The following FAR1 variants were observed in gnomAD, a reference collection of about 807,000 sequenced individuals.
The protein encoded by FAR1 is fatty acyl-CoA reductase 1, also known as male sterility domain-containing protein 2.
In FAR1, 22 loss-of-function variants were observed where a neutral mutation model predicts 61.1. The observed-to-expected ratio is 0.36, with a 90% CI of 0.26 to 0.51. The LOEUF is 0.51. Ranked by LOEUF, FAR1 falls within the 20% of genes least tolerant of loss-of-function variation. The probability of loss-of-function intolerance (pLI) is 0.95; values close to 1 mark genes in which losing one functional copy is unlikely to be tolerated. For synonymous variants in FAR1, 206 were observed against 209.7 expected (o/e 0.98, Z 0.15); for missense variants, 359 against 626.9 (o/e 0.57, Z 4.56).
In FAR1 at chr11:13,731,423, A is replaced by G. The variant is rs1160410516; in HGVS notation, c.*2649A>G. The stretch of plus-strand genomic sequence containing the variant: ...TTTAAATGTAAATTGAGAATCTTTT[A>G]TAAGAAATAAAAGCATTATTGGGTG... On this transcript the variant is annotated 3_prime_UTR_variant, in exon 12 of 12. Coordinates refer to ENST00000354817, the MANE Select transcript of FAR1 (RefSeq NM_032228.6). 6.6e-6 allele frequency: 1 copy of G among 152,550 alleles called. No individual in the cohort carries two copies. Among genetic ancestry groups the G allele is most frequent in the Non-Finnish European group, 1.5e-5 (1 of 67,990 alleles). The allele number at this position is 152,550 out of a possible 1,614,324, so 9.4% of individuals were successfully genotyped here. A position where few individuals can be genotyped will look rare whatever the true frequency, so the allele number is the denominator to read the frequency against.
At chr11:13,686,400 C>G (rs527553506) in intron 1 of FAR1, 42 of 152,240 alleles carry the variant, frequency 2.8e-4, no homozygotes, top group African/African-American at 9.9e-4. Flanking sequence ...TACTGCTTAG[C>G]AAGTATCTGA....
chr11:13,722,738 A>G (rs901059921), intron 10 of FAR1, among the ~76,000 whole-genome samples: 4 of 151,940 alleles, frequency 2.6e-5, no homozygotes, highest in Admixed American at 1.3e-4. Flanking sequence ...CAGCCTCCCC[A>G]AGTGCTGGGA....
At chr11:13,692,026 G>A (rs1363336403) in intron 1 of FAR1, among the ~76,000 whole-genome samples, 1 of 152,082 alleles carries the variant, frequency 6.6e-6, no homozygotes, top group Non-Finnish European at 1.5e-5. Flanking sequence ...AAATTAGCTG[G>A]GCGTGGTGGC....
chr11:13,702,999 C>T (rs1355689568), intron 3 of FAR1, among the ~76,000 whole-genome samples: 1 of 152,138 alleles, frequency 6.6e-6, no homozygotes, highest in East Asian at 1.9e-4. Context: ...TTTCCTTTGT[C>T]AAAGCATCTA....
At position 13,695,023 on chromosome 11, in the gene FAR1, C is replaced by T. The variant is rs545006269; in HGVS notation, c.189+69C>T. On this transcript the variant is annotated intron_variant, in intron 2 of 11. Transcript: ENST00000354817. ...TGCTTGTGTATATAATTATTGTAGTCGTCAATAGCTTGGTATATTTCTTCA... is the reference window on the plus strand; with the variant it reads ...TGCTTGTGTATATAATTATTGTAGTTGTCAATAGCTTGGTATATTTCTTCA... 15 of 1,244,628 alleles carry T rather than the reference C, an allele frequency of 1.2e-5. No individual in the cohort carries two copies. In the East Asian group the frequency reaches 1.8e-4, roughly 15 times the overall value. The allele number at this position is 1,244,628 out of a possible 1,614,324, so 77.1% of individuals were successfully genotyped here.
intron 1 of FAR1, among the ~76,000 whole-genome samples, chr11:13,688,880 G>C (rs986326134): frequency 7.2e-5 from 11 of 152,094 alleles, no homozygotes; most frequent in African/African-American, 2.4e-4. Flanking sequence ...GGCTGACCTT[G>C]AACTCCTGGG....
intron 2 of FAR1, among the ~76,000 whole-genome samples, chr11:13,697,403 A>G (rs1376676150): frequency 6.6e-6 from 1 of 152,166 alleles, no homozygotes; most frequent in Admixed American, 6.5e-5. Flanking sequence ...CAGAGGTTGC[A>G]GTGAGTTGAG....
chr11:13,716,470 G>C (rs775320174), intron 9 of FAR1, among the ~76,000 whole-genome samples: 17 of 152,206 alleles, frequency 1.1e-4, no homozygotes, highest in Non-Finnish European at 2.4e-4. Flanking sequence ...TTTGTGATCA[G>C]ATGAAAGAGG....
intron 2 of FAR1, 68 bp downstream of exon 2, chr11:13,695,022 T>C (rs1333441134): frequency 1.6e-6 from 2 of 1,263,800 alleles, no homozygotes; most frequent in African/African-American, 3.0e-5. Flanking sequence ...ATTATTGTAG[T>C]CGTCAATAGC....
At position 13,721,661 on chromosome 11, in the gene FAR1, CCT is replaced by C; in HGVS notation, c.1128-68_1128-67del. 1.5e-6 allele frequency: 2 copies of C among 1,370,896 alleles called. No individual in the cohort carries two copies. Among genetic ancestry groups the C allele is most frequent in the South Asian group, 2.6e-5 (2 of 76,152 alleles). 84.9% of individuals were successfully genotyped at this position (1,370,896 alleles called of 1,614,324 possible). ...CTATATTATAGGGGGAAACTTGCAC[CCT>C]GGGTGGTGATAGGATTTTTCCTAAT... is the stretch of plus-strand genomic sequence containing the variant. On this transcript the variant is annotated intron_variant, in intron 9 of 11. Coordinates refer to ENST00000354817, the MANE Select transcript of FAR1 (RefSeq NM_032228.6). This position sits in a 1 kb window ranked among gnomAD's most constrained non-coding sequence, Gnocchi z 4.2.
intron 3 of FAR1, among the ~76,000 whole-genome samples, chr11:13,705,114 T>C (rs1848418504): frequency 6.6e-6 from 1 of 152,158 alleles, no homozygotes; most frequent in African/African-American, 2.4e-5. Context: ...ATGTCTTCAT[T>C]TAGTGAAGGA....
intron 3 of FAR1, among the ~76,000 whole-genome samples, chr11:13,701,361 C>T (rs912786487): frequency 2.6e-5 from 4 of 152,104 alleles, no homozygotes; most frequent in Admixed American, 6.5e-5. Context: ...ATACATTGTA[C>T]GCATCAAAAC....
At chr11:13,696,935 A>T (rs1369470081) in intron 2 of FAR1, among the ~76,000 whole-genome samples, 1 of 152,232 alleles carries the variant, frequency 6.6e-6, no homozygotes, top group Non-Finnish European at 1.5e-5. Context: ...TCTCAGCTTC[A>T]GCACCATTGA....
Position 13,714,504 on chromosome 11 carries a change from T to C in FAR1, c.956-5T>C, listed in dbSNP as rs1340241729. On this transcript the variant is annotated splice_region_variant and splice_polypyrimidine_tract_variant and intron_variant, in intron 8 of 11. Transcript: ENST00000354817. The stretch of plus-strand genomic sequence containing the variant: ...CAAAGCTGTTACACAACTTTTCTTC[T>C]TCAGAGTACCATGTAATTTCCACTT... 6.2e-7 allele frequency: 1 copy of C among 1,602,450 alleles called. No homozygotes were observed. Among genetic ancestry groups the C allele is most frequent in the Non-Finnish European group, 8.5e-7 (1 of 1,176,536 alleles).
At position 13,711,766 on chromosome 11, in the gene FAR1, A is replaced by C. The variant is rs1290119877; in HGVS notation, c.726A>C (p.Gly242=). Residue 242 remains glycine (G), a splice_region_variant and synonymous_variant, in exon 6 of 12, where the codon GGA becomes GGC. Transcript: ENST00000354817. ...CCTTTTAAAATTTTTGGTATTAGGG[A>C]TGGATTGATAACTTTAATGGACCAA... ...VGASWKEPFP[G]WIDNFNGPSG... is the part of the protein sequence containing the mutation. 1 of 1,596,540 alleles carries C rather than the reference A, an allele frequency of 6.3e-7. No homozygotes were observed.
chr11:13,684,360 A>G (rs1848163296), intron 1 of FAR1, among the ~76,000 whole-genome samples: 1 of 152,228 alleles, frequency 6.6e-6, no homozygotes, highest in Non-Finnish European at 1.5e-5. Context: ...AATATTACAG[A>G]TCAGACTGAC....
At chr11:13,676,282 G>T (rs1043997259) in intron 1 of FAR1, among the ~76,000 whole-genome samples, 4 of 152,136 alleles carry the variant, frequency 2.6e-5, no homozygotes, top group East Asian at 3.8e-4. Context: ...TTTCACTAAA[G>T]ATTTTGGAAT....
At chr11:13,673,251 C>G (rs1405164761) in intron 1 of FAR1, among the ~76,000 whole-genome samples, 1 of 152,174 alleles carries the variant, frequency 6.6e-6, no homozygotes, top group East Asian at 1.9e-4. Flanking sequence ...GTAAATTCAT[C>G]TAGCTTTTAG....
Position 13,731,205 on chromosome 11 carries a change from G to A in FAR1, c.*2431G>A, listed in dbSNP as rs781715672. ...TGAGACTATATTTATATTTGACTTG[G>A]CAACATTAACATGTCCTAAGACTTA... On this transcript the variant is annotated 3_prime_UTR_variant, in exon 12 of 12. Transcript: ENST00000354817. 2.6e-4 allele frequency: 40 copies of A among 152,472 alleles called. 1 individual carries two copies. Among genetic ancestry groups the A allele is most frequent in the Admixed American group, 1.2e-3 (19 of 15,242 alleles). The allele number at this position is 152,472 out of a possible 1,614,324, so 9.4% of individuals were successfully genotyped here. A position where few individuals can be genotyped will look rare whatever the true frequency, so the allele number is the denominator to read the frequency against.
Sources: allele counts gnomAD v4.1 joint callset (sites outside exome capture counted in the v4.1 genomes callset), GRCh38; gene constraint gnomAD v4.1.1; non-coding constraint Gnocchi (gnomAD v3.1); transcripts MANE v1.5; gene names NCBI Gene and HGNC (gene_info 2026-07-23, HGNC 2026-07-21).